The following RBMS1 variants were observed in gnomAD, a reference collection of about 807,000 sequenced individuals.
RBMS1 encodes the protein RNA-binding motif, single-stranded-interacting protein 1.
RBMS1 carries 17 observed loss-of-function variants against 62.3 expected under a neutral mutation model. That is an observed-to-expected ratio of 0.27 (90% confidence interval 0.19 to 0.41). The LOEUF is 0.41. RBMS1 is among the 10% of genes least tolerant of loss of function. RBMS1 has a pLI of 1.00. For missense variants in RBMS1, 334 were observed against 504.5 expected (o/e 0.66, Z 3.24); for synonymous variants, 172 against 170.0 (o/e 1.01, Z -0.09).
At chr2:160,281,462 A>C (rs1559312333) in intron 9 of RBMS1, 98 bp from the exon 10 acceptor site, 1 of 1,035,194 alleles carries the variant, frequency 9.7e-7, no homozygotes, top group Non-Finnish European at 1.4e-6. Context: ...ATCTACAGAA[A>C]GAAAACAAGG....
chr2:160,443,522 C>T (rs1214529995), intron 1 of RBMS1, among the ~76,000 whole-genome samples: 1 of 152,050 alleles, frequency 6.6e-6, no homozygotes, highest in Non-Finnish European at 1.5e-5. Flanking sequence ...TGAGTTCACA[C>T]CGAGATCTGG....
chr2:160,460,434 C>T (rs1684409582), intron 1 of RBMS1, among the ~76,000 whole-genome samples: 3 of 152,190 alleles, frequency 2.0e-5, no homozygotes. Context: ...CCCAGTTTTG[C>T]AGATAAGGAC....
chr2:160,386,373 T>C (rs1694576009), intron 1 of RBMS1, among the ~76,000 whole-genome samples: 1 of 152,050 alleles, frequency 6.6e-6, no homozygotes, highest in Admixed American at 6.5e-5. Context: ...CCGTCTTTAC[T>C]AAAAATACAA....
chr2:160,307,457 G>A (rs997602494), intron 4 of RBMS1, among the ~76,000 whole-genome samples: 4 of 150,218 alleles, frequency 2.7e-5, no homozygotes, highest in African/African-American at 7.3e-5. Context: ...GAAATGAAAG[G>A]CCTACAGAAG....
chr2:160,300,628 G>A lies in RBMS1; in HGVS notation c.640+23C>T, dbSNP rs190588452. On this transcript the variant is annotated intron_variant, in intron 6 of 13. Coordinates refer to ENST00000348849, the MANE Select transcript of RBMS1 (RefSeq NM_016836.4). ...ATACATCATATAGAAGACTACTGAT[G>A]AAGTTTCAGACAAACAACATACCAG... 41 of 1,579,734 alleles carry A rather than the reference G, an allele frequency of 2.6e-5. No individual in the cohort carries two copies. In the Admixed American group the frequency reaches 3.3e-4, roughly 13 times the overall value.
intron 1 of RBMS1, among the ~76,000 whole-genome samples, chr2:160,491,554 G>A (rs1489698352): frequency 6.6e-6 from 1 of 152,198 alleles, no homozygotes; most frequent in African/African-American, 2.4e-5. Context: ...AAATGGTATG[G>A]ACTTGGTTTC....
intron 1 of RBMS1, among the ~76,000 whole-genome samples, chr2:160,475,105 C>T (rs1368743736): frequency 6.6e-6 from 1 of 152,198 alleles, no homozygotes; most frequent in Non-Finnish European, 1.5e-5. Context: ...GCACTCACTA[C>T]TGCTTATCTA....
At chr2:160,407,941 A>G (rs1695848903) in intron 1 of RBMS1, 3 of 978,584 alleles carry the variant, frequency 3.1e-6, no homozygotes, top group Non-Finnish European at 3.6e-6. Flanking sequence ...GCGGCAGCGC[A>G]CCGCCTCGCG....
intron 1 of RBMS1, among the ~76,000 whole-genome samples, chr2:160,457,951 T>TTGGG (rs1684309711): frequency 1.7e-5 from 1 of 58,976 alleles, no homozygotes; most frequent in Non-Finnish European, 4.2e-5. Flanking sequence ...GTTATTGGTT[T>TTGGG]GTTTGTTGTT....
At chr2:160,276,750 TATTA>T (rs1417331993) in intron 12 of RBMS1, 3 of 152,254 alleles carry the variant, frequency 2.0e-5, no homozygotes, top group Admixed American at 6.5e-5. Flanking sequence ...TTTTCGTCAT[TATTA>T]ATTATCATTG....
intron 3 of RBMS1, among the ~76,000 whole-genome samples, chr2:160,315,153 C>T (rs1254238604): frequency 2.0e-5 from 3 of 152,128 alleles, no homozygotes; most frequent in Non-Finnish European, 4.4e-5. Flanking sequence ...TAGAGAAATC[C>T]ATAATGCCTG....
At chr2:160,357,462 C>G (rs963022276) in intron 2 of RBMS1, among the ~76,000 whole-genome samples, 2 of 152,078 alleles carry the variant, frequency 1.3e-5, no homozygotes, top group Non-Finnish European at 2.9e-5. Context: ...AGATTTTATA[C>G]TAAGGATACA....
chr2:160,464,234 C>A (rs957113645), intron 1 of RBMS1, among the ~76,000 whole-genome samples: 4 of 152,082 alleles, frequency 2.6e-5, no homozygotes, highest in African/African-American at 9.7e-5. Flanking sequence ...ACTGGAAAAA[C>A]CAGCAACAGC....
rs76230587 is a variant in RBMS1 at position 160,481,895 on chromosome 2, G to A, written c.75+11394C>T. ...AGAGCAATTAGATTTCTCATGCCTT[G>A]CTGGCAGGAGAAAACTGGTAGTGTC... On this transcript the variant is annotated intron_variant, in intron 1 of 13. Transcript: ENST00000348849. 7.2e-5 allele frequency among the ~76,000 whole-genome samples: 11 copies of A among 152,272 alleles called. 1 individual carries two copies. The East Asian group carries it at 2.1e-3, about 29-fold the overall frequency.
chr2:160,282,542 C>G (rs1435810335), intron 9 of RBMS1: 1 of 291,038 alleles, frequency 3.4e-6, no homozygotes, highest in African/African-American at 2.2e-5. Context: ...GCCAGATGCC[C>G]CCATTTTTTA....
chr2:160,311,228 C>CCA (rs1553505409), intron 4 of RBMS1, among the ~76,000 whole-genome samples: 3 of 95,944 alleles, frequency 3.1e-5, no homozygotes, highest in Non-Finnish European at 6.3e-5. Flanking sequence ...ATCTATCTAT[C>CCA]TATCTATATA....
At chr2:160,404,131 C>T (rs527698748) in intron 1 of RBMS1, among the ~76,000 whole-genome samples, 1 of 152,268 alleles carries the variant, frequency 6.6e-6, no homozygotes, top group Non-Finnish European at 1.5e-5. Flanking sequence ...CACATTTGTC[C>T]ACTGAGACTT....
At chr2:160,442,346 A>ATT (rs11436208) in intron 1 of RBMS1, among the ~76,000 whole-genome samples, 1 of 151,842 alleles carries the variant, frequency 6.6e-6, no homozygotes, top group African/African-American at 2.4e-5. Flanking sequence ...ATAAAATTTC[A>ATT]TTTTTTTCCC....
At chr2:160,434,564 G>A (rs371428318) in intron 1 of RBMS1, among the ~76,000 whole-genome samples, 1 of 151,896 alleles carries the variant, frequency 6.6e-6, no homozygotes, top group Non-Finnish European at 1.5e-5. Context: ...TTTCTGTGAC[G>A]ATGAAAATAT....
Sources: gnomAD v4.1 joint callset for allele counts (sites outside exome capture counted in the v4.1 genomes callset) on GRCh38, gnomAD v4.1.1 for gene constraint, MANE v1.5 for transcripts, NCBI Gene and HGNC (gene_info 2026-07-23, HGNC 2026-07-21) for gene names.